RPGRIP1L: variants seen among roughly 807,000 people sequenced by gnomAD.
RPGRIP1L encodes the protein protein fantom.
Under a neutral mutation model 160.4 loss-of-function variants are expected in RPGRIP1L, and 131 were observed. The ratio of observed to expected loss-of-function variants is 0.82; its 90% CI spans 0.71 to 0.94. The LOEUF (loss-of-function observed/expected upper bound fraction) is 0.94, where lower values mean the gene tolerates loss of function less well. Among genes scored for constraint, RPGRIP1L ranks in the 40% least tolerant of loss-of-function variants. The pLI, the probability that RPGRIP1L is intolerant of heterozygous loss-of-function variation, is 0.00. For missense variants in RPGRIP1L, 1,522 were observed against 1,535.8 expected (o/e 0.99, Z 0.15); for synonymous variants, 510 against 515.8 (o/e 0.99, Z 0.15).
chr16:53,613,241 A>G (rs933581089), intron 24 of RPGRIP1L, among the ~76,000 whole-genome samples: 3 of 151,990 alleles, frequency 2.0e-5, no homozygotes, highest in Admixed American at 6.5e-5. Flanking sequence ...TGAGTTCTTG[A>G]TTTCAATTCT....
At chr16:53,640,411 T>G (rs1030060121) in intron 19 of RPGRIP1L, among the ~76,000 whole-genome samples, 1 of 152,224 alleles carries the variant, frequency 6.6e-6, no homozygotes, top group Non-Finnish European at 1.5e-5. Context: ...GATGCTTTTT[T>G]AAAGCCATGT....
intron 6 of RPGRIP1L, among the ~76,000 whole-genome samples, chr16:53,678,256 C>CA (rs1310312976): frequency 6.6e-6 from 1 of 150,646 alleles, no homozygotes; most frequent in Non-Finnish European, 1.5e-5. Flanking sequence ...ATTTCATGTC[C>CA]AAAAAAAAGT....
At chr16:53,646,292 A>G (rs1046750936) in intron 16 of RPGRIP1L, among the ~76,000 whole-genome samples, 3 of 152,322 alleles carry the variant, frequency 2.0e-5, no homozygotes, top group East Asian at 1.9e-4. Context: ...ATGTTCTTCA[A>G]TTCTGTTAGA....
chr16:53,625,492 C>T (rs1413263390), intron 22 of RPGRIP1L, among the ~76,000 whole-genome samples: 17 of 144,254 alleles, frequency 1.2e-4, no homozygotes, highest in Middle Eastern at 8.2e-3. Flanking sequence ...GGCGCGCCTC[C>T]GCCCAGCGGC....
At chr16:53,609,454 AG>A (rs1292771646) in intron 25 of RPGRIP1L, among the ~76,000 whole-genome samples, 18 of 152,136 alleles carry the variant, frequency 1.2e-4, no homozygotes, top group Non-Finnish European at 2.2e-4. Context: ...GAGGAAAGGC[AG>A]GTCTAACACA....
intron 8 of RPGRIP1L, 57 bp from the exon 9 acceptor site, chr16:53,671,640 TA>T (rs575523967): frequency 2.8e-4 from 247 of 892,322 alleles, no homozygotes; most frequent in Middle Eastern, 1.4e-3. Context: ...CACTTGGGGG[TA>T]AAAAAAAACA....
intron 10 of RPGRIP1L, among the ~76,000 whole-genome samples, chr16:53,660,584 T>A (rs1193061133): frequency 6.6e-6 from 1 of 151,520 alleles, no homozygotes. Flanking sequence ...AAACCTGTGA[T>A]CCTAGGCAAT....
chr16:53,703,498 G>C (rs1158997604), intron 1 of RPGRIP1L: 2 of 158,258 alleles, frequency 1.3e-5, no homozygotes, highest in Admixed American at 5.9e-5. Context: ...ACTGTGTTAG[G>C]GACCTACAAC....
In RPGRIP1L at chr16:53,665,363, C is replaced by A. The variant is rs559318121; in HGVS notation, c.1104-354G>T. Among the ~76,000 whole-genome samples, 7 of 152,248 alleles carry A rather than the reference C, an allele frequency of 4.6e-5. No homozygotes were observed. In the South Asian group the frequency reaches 1.5e-3, roughly 32 times the overall value. On this transcript the variant is annotated intron_variant, in intron 9 of 26. Transcript: ENST00000647211. The stretch of plus-strand genomic sequence containing the variant: ...GCAATTGACATCGGACAAAACCATT[C>A]TCTCCCACATACAAACCTCTTAATA...
intron 22 of RPGRIP1L, among the ~76,000 whole-genome samples, chr16:53,631,009 A>G (rs943942711): frequency 2.0e-5 from 3 of 152,204 alleles, no homozygotes; most frequent in Non-Finnish European, 2.9e-5. Context: ...CTGGGATTAC[A>G]GGTGTGAGCC....
chr16:53,609,518 ATGT>A (rs1252713858), intron 25 of RPGRIP1L, among the ~76,000 whole-genome samples: 1 of 151,956 alleles, frequency 6.6e-6, no homozygotes, highest in Non-Finnish European at 1.5e-5. Context: ...GGGTAAAAAA[ATGT>A]TGTCTCCCAA....
rs767708219 is a variant in RPGRIP1L at position 53,648,929 on chromosome 16, T to C, written c.2304+35A>G. On this transcript the variant is annotated intron_variant, in intron 16 of 26. Coordinates refer to ENST00000647211, the MANE Select transcript of RPGRIP1L (RefSeq NM_015272.5). The stretch of plus-strand genomic sequence containing the variant: ...ATAAATAAATATTATAAAATTTCTA[T>C]GTCATAAAAGGGTCTTAAAGCCAAA... 13 of 1,580,936 alleles carry C rather than the reference T, an allele frequency of 8.2e-6. No homozygotes were observed. In the South Asian group the frequency reaches 1.4e-4, roughly 18 times the overall value.
Position 53,692,227 on chromosome 16 carries a change from T to G in RPGRIP1L, c.368A>C (p.Glu123Ala). The change falls in exon 4 of 27, where the codon GAA (glutamate) becomes GCA (alanine). Residue 123 changes from glutamate to alanine, a missense_variant. Transcript: ENST00000647211. ...GTTTTTGAGGGTTTCATTTTGTTTTTCAAGCTCATGAACTTTCTCTTGCAG... is the reference window on the plus strand; with the variant it reads ...GTTTTTGAGGGTTTCATTTTGTTTTGCAAGCTCATGAACTTTCTCTTGCAG... ...EQLQEKVHELEKQNETLKNRL... is the reference protein window; with the variant it reads ...EQLQEKVHELAKQNETLKNRL... The G allele has an allele frequency of 6.2e-7, 1 of 1,614,202 alleles. No homozygotes were observed. The highest frequency in any genetic ancestry group is 8.5e-7 in the Non-Finnish European group (1 of 1,180,042).
At chr16:53,622,449 T>G in intron 22 of RPGRIP1L, 93 bp from the exon 23 acceptor site, 1 of 536,024 alleles carries the variant, frequency 1.9e-6, no homozygotes, top group Non-Finnish European at 3.3e-6. Context: ...AATGAACTCA[T>G]TCCCTCTCCT....
At position 53,599,711 on chromosome 16, in the gene RPGRIP1L, C is replaced by T. The variant is rs1826690281; in HGVS notation, c.*2365G>A. ...CAAGAGAAATCCACTGCTCTTTAAC[C>T]CAAAAGGTGGTAAGCTTTTCAATGG... On this transcript the variant is annotated 3_prime_UTR_variant, in exon 27 of 27. Coordinates refer to ENST00000647211, the MANE Select transcript of RPGRIP1L (RefSeq NM_015272.5). The T allele has an allele frequency of 6.6e-6, 1 of 152,144 alleles. No homozygotes were observed. Among genetic ancestry groups the T allele is most frequent in the Admixed American group, 6.6e-5 (1 of 15,266 alleles). 9.4% of individuals were successfully genotyped at this position (152,144 alleles called of 1,614,324 possible). A position where few individuals can be genotyped will look rare whatever the true frequency, so the allele number is the denominator to read the frequency against.
chr16:53,695,913 C>CGGCA, intron 3 of RPGRIP1L: 1 of 454,796 alleles, frequency 2.2e-6, no homozygotes, highest in Non-Finnish European at 4.0e-6. Flanking sequence ...GATATACTAA[C>CGGCA]GGCACTCTAT....
intron 21 of RPGRIP1L, among the ~76,000 whole-genome samples, chr16:53,637,365 A>C (rs1417385580): frequency 1.3e-5 from 2 of 152,118 alleles, no homozygotes; most frequent in Non-Finnish European, 2.9e-5. Flanking sequence ...CTGGATTTCA[A>C]TTTTTAAAAA....
intron 26 of RPGRIP1L, among the ~76,000 whole-genome samples, chr16:53,605,243 T>C (rs185031723): frequency 6.6e-6 from 1 of 152,134 alleles, no homozygotes; most frequent in East Asian, 1.9e-4. Context: ...GAATAATTCC[T>C]TGTGAAGCTA....
intron 3 of RPGRIP1L, among the ~76,000 whole-genome samples, chr16:53,692,629 C>T (rs1970465125): frequency 6.6e-6 from 1 of 152,176 alleles, no homozygotes; most frequent in Non-Finnish European, 1.5e-5. Context: ...ATATTTACTC[C>T]ATATGTTCCT....
Sources: allele counts gnomAD v4.1 joint callset (sites outside exome capture counted in the v4.1 genomes callset), GRCh38; gene constraint gnomAD v4.1.1; transcripts MANE v1.5; gene names NCBI Gene and HGNC (gene_info 2026-07-23, HGNC 2026-07-21).